Variants in ATP13A3 observed in about 807,000 individuals in gnomAD.
ATP13A3 encodes the protein ATPase 13A3, also known as polyamine-transporting ATPase 13A3.
In ATP13A3, 59 loss-of-function variants were observed where a neutral mutation model predicts 158.1. That is an observed-to-expected ratio of 0.37 (90% CI 0.30 to 0.46). The LOEUF is 0.46. Ranked by LOEUF, ATP13A3 falls within the 20% of genes least tolerant of loss-of-function variation. The pLI is 1.00. For synonymous variants in ATP13A3, 491 were observed against 504.3 expected (o/e 0.97, Z 0.35); for missense variants, 1,166 against 1,525.2 (o/e 0.76, Z 3.92).
chr3:194,493,320 C>T (rs1007748521), intron 2 of ATP13A3, among the ~76,000 whole-genome samples: 3 of 152,096 alleles, frequency 2.0e-5, no homozygotes, highest in Non-Finnish European at 2.9e-5. Flanking sequence ...TCTCAGATAT[C>T]ATCTCTAAAT....
At chr3:194,479,825 T>G (rs1192292845) in intron 2 of ATP13A3, among the ~76,000 whole-genome samples, 1 of 151,982 alleles carries the variant, frequency 6.6e-6, no homozygotes, top group African/African-American at 2.4e-5. Flanking sequence ...ACAGAGACAT[T>G]GGGTAACAGT....
At chr3:194,469,141 A>G (rs1026814260) in intron 2 of ATP13A3, among the ~76,000 whole-genome samples, 9 of 136,230 alleles carry the variant, frequency 6.6e-5, no homozygotes, top group Non-Finnish European at 1.1e-4. Flanking sequence ...ACACACACAC[A>G]CCAAAAAAAA....
intron 17 of ATP13A3, 57 bp from the exon 18 acceptor site, chr3:194,437,630 A>C (rs761078067): frequency 7.0e-5 from 102 of 1,466,536 alleles, no homozygotes; most frequent in Non-Finnish European, 9.0e-5. Context: ...TAACACACTA[A>C]AGTTAGAAAA....
chr3:194,460,071 C>T (rs934382587), intron 4 of ATP13A3, 100 bp from the exon 5 acceptor site: 2 of 977,374 alleles, frequency 2.0e-6, no homozygotes, highest in Admixed American at 2.8e-5. Flanking sequence ...ATTTCCTCAT[C>T]TCTAATTGAG....
intron 2 of ATP13A3, among the ~76,000 whole-genome samples, chr3:194,492,149 C>G (rs374177700): frequency 2.0e-5 from 3 of 152,128 alleles, no homozygotes; most frequent in African/African-American, 7.2e-5. Context: ...CTCTGCTCTC[C>G]CCGTCTTCTC....
At chr3:194,420,776 A>T (rs1467051889) in intron 30 of ATP13A3, among the ~76,000 whole-genome samples, 4 of 152,088 alleles carry the variant, frequency 2.6e-5, no homozygotes, top group Non-Finnish European at 5.9e-5. Flanking sequence ...AAGCCATAAA[A>T]GTGGCTCCAA....
rs751005733 is a variant in ATP13A3, at chr3:194,415,661, C to CTTTTTTTTTTTTTTTT, written c.3403-1838_3403-1823dup. Reference sequence around the variant, plus strand: ...GTGCAAGGATTTACAATACCACATTCTTTTTTTTTTTTTTTTTTTTTTTTT... The same window carrying CTTTTTTTTTTTTTTTT: ...GTGCAAGGATTTACAATACCACATTCTTTTTTTTTTTTTTTTTTTTTTTTTTTTTTTTTTTTTTTTT... On this transcript the variant is annotated intron_variant, in intron 31 of 33. Transcript: ENST00000645319. 8.8e-5 allele frequency among the ~76,000 whole-genome samples: 8 copies of CTTTTTTTTTTTTTTTT among 90,928 alleles called. 1 individual carries two copies. The highest frequency in any genetic ancestry group is 4.7e-4 in the Admixed American group (4 of 8,550). 59.7% of individuals were successfully genotyped at this position (90,928 alleles called of 152,430 possible).
rs1360976490 is a variant in ATP13A3 at position 194,486,686 on chromosome 3, C to G, written c.-209G>C. 1 of 149,360 alleles carries G rather than the reference C, an allele frequency of 6.7e-6. No individual in the cohort carries two copies. Among genetic ancestry groups the G allele is most frequent in the East Asian group, 1.9e-4 (1 of 5,154 alleles). The allele number at this position is 149,360 out of a possible 1,614,324, so 9.3% of individuals were successfully genotyped here. ...GTCGCCGCCGCCGCCTCGCCTCAGC[C>G]CAGCCCCATCGCCCTCGGCCGGCGC... is the stretch of plus-strand genomic sequence containing the variant. On this transcript the variant is annotated 5_prime_UTR_variant, in exon 1 of 34. Coordinates refer to ENST00000645319, the MANE Select transcript of ATP13A3 (RefSeq NM_001367549.1).
intron 2 of ATP13A3, among the ~76,000 whole-genome samples, chr3:194,470,337 T>G (rs1720247666): frequency 6.6e-6 from 1 of 152,192 alleles, no homozygotes; most frequent in Non-Finnish European, 1.5e-5. Context: ...TAAGCTATAA[T>G]TAGGAAAGAT....
At chr3:194,433,362 G>A (rs1233985964) in intron 21 of ATP13A3, among the ~76,000 whole-genome samples, 2 of 150,736 alleles carry the variant, frequency 1.3e-5, no homozygotes, top group East Asian at 3.9e-4. Context: ...TCCTGCCTCA[G>A]CCTCCCGAGT....
intron 21 of ATP13A3, among the ~76,000 whole-genome samples, chr3:194,432,220 C>A (rs890650134): frequency 1.3e-5 from 2 of 152,182 alleles, no homozygotes; most frequent in Non-Finnish European, 1.5e-5. Flanking sequence ...TCAGGTGGCT[C>A]AATAAATACT....
chr3:194,453,359 C>A (rs1251678065), intron 10 of ATP13A3, among the ~76,000 whole-genome samples: 1 of 151,030 alleles, frequency 6.6e-6, no homozygotes, highest in Non-Finnish European at 1.5e-5. Context: ...TTGGGAGGCC[C>A]AGGTGGGCAG....
At position 194,429,856 on chromosome 3, in the gene ATP13A3, TGAACATCAACATTCAAC is replaced by T. The variant is rs1717090481; in HGVS notation, c.2778-99_2778-83del. 9 of 1,263,918 alleles carry T rather than the reference TGAACATCAACATTCAAC, an allele frequency of 7.1e-6. No homozygotes were observed. The South Asian group carries it at 1.2e-4, about 16-fold the overall frequency. 78.3% of individuals were successfully genotyped at this position (1,263,918 alleles called of 1,614,324 possible). ...CAAACCACAATTTTATCTTGACAGATGAACATCAACATTCAACGGCTACAACAAAGTGCTTATCCACC... is the reference window on the plus strand; with the variant it reads ...CAAACCACAATTTTATCTTGACAGATGGCTACAACAAAGTGCTTATCCACC... On this transcript the variant is annotated intron_variant, in intron 26 of 33. Transcript: ENST00000645319.
At chr3:194,472,508 G>GA (rs1212695519) in intron 2 of ATP13A3, among the ~76,000 whole-genome samples, 1 of 152,176 alleles carries the variant, frequency 6.6e-6, no homozygotes, top group Non-Finnish European at 1.5e-5. Context: ...TTAGTAAGGA[G>GA]AAAAGGCTGA....
chr3:194,419,801 A>G, intron 31 of ATP13A3, 78 bp downstream of exon 31: 4 of 1,510,904 alleles, frequency 2.6e-6, no homozygotes, highest in South Asian at 2.7e-5. Flanking sequence ...GAATACACAA[A>G]AAGAAGAGAT....
At chr3:194,413,321 A>G (rs1230579164) in intron 32 of ATP13A3, among the ~76,000 whole-genome samples, 1 of 152,206 alleles carries the variant, frequency 6.6e-6, no homozygotes, top group Non-Finnish European at 1.5e-5. Flanking sequence ...TACTTTCATT[A>G]AACTCTCTTG....
At position 194,404,328 on chromosome 3, in the gene ATP13A3, T is replaced by C. The variant is rs922576445; in HGVS notation, c.*1591A>G. 7.8e-6 allele frequency: 2 copies of C among 255,140 alleles called. No individual in the cohort carries two copies. The highest frequency in any genetic ancestry group is 4.7e-5 in the African/African-American group (2 of 42,466). The allele number at this position is 255,140 out of a possible 1,614,324, so 15.8% of individuals were successfully genotyped here. On this transcript the variant is annotated 3_prime_UTR_variant, in exon 34 of 34. Transcript: ENST00000645319. Reference sequence around the variant, plus strand: ...GCAGTAACAGTGATCCTGAGTGTAATTTCTATTTTTCTATAGTTACCAAAC... The same window carrying C: ...GCAGTAACAGTGATCCTGAGTGTAACTTCTATTTTTCTATAGTTACCAAAC...
intron 2 of ATP13A3, among the ~76,000 whole-genome samples, chr3:194,466,121 T>G (rs1395578611): frequency 1.3e-5 from 2 of 151,980 alleles, no homozygotes; most frequent in Non-Finnish European, 2.9e-5. Context: ...AGAAAAAAAT[T>G]TATAGCACTA....
Position 194,482,712 on chromosome 3 carries a change from T to A in ATP13A3, c.-47+3082A>T, listed in dbSNP as rs563100913. On this transcript the variant is annotated intron_variant, in intron 2 of 33. Coordinates refer to ENST00000645319, the MANE Select transcript of ATP13A3 (RefSeq NM_001367549.1). ...TTTTGGCTGGGCAAGGTGGCTCATG[T>A]CTGTAATTCCTACACTTTGGGAGGC... Among the ~76,000 whole-genome samples the A allele has an allele frequency of 3.3e-5, 5 of 152,284 alleles. No homozygotes were observed. The South Asian group carries it at 8.3e-4, about 25-fold the overall frequency.
Sources: allele counts gnomAD v4.1 joint callset (sites outside exome capture counted in the v4.1 genomes callset), GRCh38; gene constraint gnomAD v4.1.1; transcripts MANE v1.5; gene names NCBI Gene and HGNC (gene_info 2026-07-23, HGNC 2026-07-21).